RRP15: variants seen among roughly 807,000 people sequenced by gnomAD.
RRP15 encodes ribosomal RNA processing 15 homolog, also known as RRP15-like protein.
Under a neutral mutation model 27.1 loss-of-function variants are expected in RRP15, and 18 were observed. The ratio of observed to expected loss-of-function variants is 0.66; its 90% CI spans 0.46 to 0.98. The LOEUF is 0.98. RRP15 is among the 50% of genes least tolerant of loss of function. RRP15 has a pLI of 0.00. For synonymous variants in RRP15, 107 were observed against 109.4 expected (o/e 0.98, Z 0.14); for missense variants, 359 against 337.8 (o/e 1.06, Z -0.49).
At chr1:218,305,402 C>T (rs923028930) in intron 3 of RRP15, among the ~76,000 whole-genome samples, 16 of 152,168 alleles carry the variant, frequency 1.1e-4, no homozygotes, top group Non-Finnish European at 1.5e-4. Context: ...CTGCATTTCT[C>T]TTATGATGCT....
chr1:218,316,195 A>G (rs1182000003), intron 4 of RRP15, among the ~76,000 whole-genome samples: 1 of 152,232 alleles, frequency 6.6e-6, no homozygotes, highest in Non-Finnish European at 1.5e-5. Flanking sequence ...TTAGTGAAGA[A>G]TAAGAACTAG....
intron 3 of RRP15, among the ~76,000 whole-genome samples, chr1:218,306,327 A>T (rs1284378746): frequency 1.3e-5 from 2 of 152,124 alleles, no homozygotes; most frequent in East Asian, 1.9e-4. Context: ...GGATGCCCGC[A>T]TGTGCAATAT....
intron 3 of RRP15, among the ~76,000 whole-genome samples, chr1:218,305,932 T>C (rs1257933050): frequency 1.3e-5 from 2 of 152,138 alleles, no homozygotes; most frequent in African/African-American, 4.8e-5. Context: ...GCATGCTACT[T>C]GATTTCTTTT....
chr1:218,315,088 G>T (rs1312153103), intron 4 of RRP15, among the ~76,000 whole-genome samples: 1 of 151,908 alleles, frequency 6.6e-6, no homozygotes, highest in Non-Finnish European at 1.5e-5. Context: ...TACTGGAAGA[G>T]TCCAGGTATT....
At chr1:218,303,570 AT>A (rs1361364089) in intron 2 of RRP15, among the ~76,000 whole-genome samples, 1 of 152,170 alleles carries the variant, frequency 6.6e-6, no homozygotes, top group Non-Finnish European at 1.5e-5. Context: ...ATCTTTGTTT[AT>A]TATCTGGCAA....
intron 1 of RRP15, among the ~76,000 whole-genome samples, chr1:218,289,425 A>G (rs1320607371): frequency 6.6e-6 from 1 of 152,242 alleles, no homozygotes; most frequent in East Asian, 1.9e-4. Flanking sequence ...TAATCTAACC[A>G]TTAGATCATA....
intron 4 of RRP15, among the ~76,000 whole-genome samples, chr1:218,322,142 G>A (rs905027727): frequency 9.2e-5 from 14 of 152,218 alleles, no homozygotes; most frequent in Admixed American, 3.9e-4. Flanking sequence ...TTAGTGTTGT[G>A]GAAAGAACAT....
At chr1:218,309,536 A>G (rs905318329) in intron 4 of RRP15, among the ~76,000 whole-genome samples, 1 of 151,930 alleles carries the variant, frequency 6.6e-6, no homozygotes, top group Non-Finnish European at 1.5e-5. Flanking sequence ...TACAAAAATT[A>G]ACTGGGCATG....
chr1:218,309,143 G>A (rs1655949257), intron 4 of RRP15, among the ~76,000 whole-genome samples: 1 of 151,850 alleles, frequency 6.6e-6, no homozygotes, highest in African/African-American at 2.4e-5. Context: ...TGTAAGTCTG[G>A]GACAAGGTCA....
chr1:218,295,322 G>T (rs925365821), intron 1 of RRP15, among the ~76,000 whole-genome samples: 1 of 152,082 alleles, frequency 6.6e-6, no homozygotes, highest in East Asian at 1.9e-4. Context: ...CGGGGGAAGC[G>T]TCTGTTGTCT....
chr1:218,291,472 A>G (rs1655639015), intron 1 of RRP15, among the ~76,000 whole-genome samples: 1 of 151,540 alleles, frequency 6.6e-6, no homozygotes, highest in Non-Finnish European at 1.5e-5. Context: ...TTTTAAAAAC[A>G]AAACTCTGAG....
chr1:218,302,578 C>T lies in RRP15; in HGVS notation c.405+19C>T, dbSNP rs1267254416. 6 of 1,604,616 alleles carry T rather than the reference C, an allele frequency of 3.7e-6. No individual in the cohort carries two copies. The South Asian group carries it at 4.5e-5, about 12-fold the overall frequency. On this transcript the variant is annotated intron_variant, in intron 2 of 4. Transcript: ENST00000366932. ...AAAACAGGTATGTTCCACCAGTTCT[C>T]TTGTAGATTAGATTGTTTGTCTAGG...
chr1:218,315,915 T>C (rs1459651195), intron 4 of RRP15, among the ~76,000 whole-genome samples: 2 of 152,202 alleles, frequency 1.3e-5, no homozygotes, highest in Non-Finnish European at 2.9e-5. Flanking sequence ...TGTAAATAAT[T>C]CAGCTTAATG....
chr1:218,330,928 G>T lies in RRP15; in HGVS notation c.706-20G>T. On this transcript the variant is annotated intron_variant, in intron 4 of 4. Coordinates refer to ENST00000366932, the MANE Select transcript of RRP15 (RefSeq NM_016052.4). Reference sequence around the variant, plus strand: ...GATGGAATTGACTTTTGAATATTTTGATTCTATAATTTTCCTTAGACTGAA... The same window carrying T: ...GATGGAATTGACTTTTGAATATTTTTATTCTATAATTTTCCTTAGACTGAA... 6.2e-7 allele frequency: 1 copy of T among 1,601,758 alleles called. No individual in the cohort carries two copies. Among genetic ancestry groups the T allele is most frequent in the South Asian group, 1.1e-5 (1 of 88,924 alleles).
chr1:218,315,165 T>C (rs796317704), intron 4 of RRP15, among the ~76,000 whole-genome samples: 3 of 152,256 alleles, frequency 2.0e-5, no homozygotes, highest in African/African-American at 7.2e-5. Flanking sequence ...AGGGTACTCC[T>C]CTATTTCTCA....
chr1:218,333,365 G>A lies in RRP15; in HGVS notation c.*2274G>A, dbSNP rs1656402327. The A allele has an allele frequency of 6.6e-6, 1 of 151,856 alleles. No homozygotes were observed. The highest frequency in any genetic ancestry group is 2.4e-5 in the African/African-American group (1 of 41,398). 9.4% of individuals were successfully genotyped at this position (151,856 alleles called of 1,614,324 possible). The stretch of plus-strand genomic sequence containing the variant: ...TGTGCATATTTTAGAAACTAATTGT[G>A]TATCTTAAGTGAATGTTTTGAGTAG... On this transcript the variant is annotated 3_prime_UTR_variant, in exon 5 of 5. Coordinates refer to ENST00000366932, the MANE Select transcript of RRP15 (RefSeq NM_016052.4).
intron 4 of RRP15, among the ~76,000 whole-genome samples, chr1:218,328,495 T>G (rs547657130): frequency 2.0e-5 from 3 of 152,014 alleles, no homozygotes; most frequent in Non-Finnish European, 4.4e-5. Context: ...ACCCCATCTC[T>G]ACTAAAAATA....
At chr1:218,289,488 G>A (rs747376094) in intron 1 of RRP15, among the ~76,000 whole-genome samples, 2 of 152,110 alleles carry the variant, frequency 1.3e-5, no homozygotes, top group Non-Finnish European at 2.9e-5. Context: ...ACAATTGATT[G>A]TGTCTGCTTG....
In RRP15 at chr1:218,336,586, G is replaced by A. The variant is rs910670046; in HGVS notation, c.*5495G>A. Reference sequence around the variant, plus strand: ...CCAGACTTCAATCTTAGGTAAAAATGTATCCCTCCCATGGACAGGACATAA... The same window carrying A: ...CCAGACTTCAATCTTAGGTAAAAATATATCCCTCCCATGGACAGGACATAA... On this transcript the variant is annotated 3_prime_UTR_variant, in exon 5 of 5. Transcript: ENST00000366932. 6.6e-6 allele frequency: 1 copy of A among 152,586 alleles called. No homozygotes were observed. Among genetic ancestry groups the A allele is most frequent in the African/African-American group, 2.4e-5 (1 of 41,428 alleles). The allele number at this position is 152,586 out of a possible 1,614,324, so 9.5% of individuals were successfully genotyped here.
Sources: allele counts gnomAD v4.1 joint callset (sites outside exome capture counted in the v4.1 genomes callset), GRCh38; gene constraint gnomAD v4.1.1; transcripts MANE v1.5; gene names NCBI Gene and HGNC (gene_info 2026-07-23, HGNC 2026-07-21).